The following RYR2 variants were observed in gnomAD, a reference collection of about 807,000 sequenced individuals.
The protein encoded by RYR2 is cardiac muscle ryanodine receptor-calcium release channel.
RYR2 carries 227 observed loss-of-function variants against 601.1 expected under a neutral mutation model. That is an observed-to-expected ratio of 0.38 (90% CI 0.34 to 0.42). RYR2 has a LOEUF of 0.42. Ranked by LOEUF, RYR2 falls within the 10% of genes least tolerant of loss-of-function variation. RYR2 has a pLI of 1.00. For missense variants in RYR2, 4,646 were observed against 6,156.5 expected (o/e 0.75, Z 8.21); for synonymous variants, 2,223 against 2,175.1 (o/e 1.02, Z -0.61).
chr1:237,410,425 C>A (rs948584732), intron 10 of RYR2, among the ~76,000 whole-genome samples: 1 of 152,094 alleles, frequency 6.6e-6, no homozygotes, highest in African/African-American at 2.4e-5. Context: ...TGGATTTTAT[C>A]CAGCTAGCTT....
chr1:237,100,263 T>C (rs952139595), intron 1 of RYR2, among the ~76,000 whole-genome samples: 1 of 152,226 alleles, frequency 6.6e-6, no homozygotes, highest in East Asian at 1.9e-4. Context: ...CATTATTTAC[T>C]AAGTCCCTCC....
intron 1 of RYR2, among the ~76,000 whole-genome samples, chr1:237,238,250 C>T (rs1572316090): frequency 1.3e-5 from 2 of 152,060 alleles, no homozygotes; most frequent in South Asian, 4.1e-4. Flanking sequence ...GGATTACAGG[C>T]GTGAGCCACT....
intron 1 of RYR2, among the ~76,000 whole-genome samples, chr1:237,191,124 G>C (rs4659774): frequency 1.3e-5 from 2 of 151,906 alleles, no homozygotes; most frequent in African/African-American, 4.8e-5. Context: ...TCATTATTTT[G>C]TTTGTGGATA....
At chr1:237,374,379 C>T (rs1334196073) in intron 6 of RYR2, among the ~76,000 whole-genome samples, 1 of 151,836 alleles carries the variant, frequency 6.6e-6, no homozygotes, top group Admixed American at 6.6e-5. Flanking sequence ...AAAAATTAAC[C>T]AGGTGTAGTG....
intron 55 of RYR2, 51 bp downstream of exon 55, chr1:237,660,125 A>G: frequency 9.1e-7 from 1 of 1,098,374 alleles, no homozygotes; most frequent in Non-Finnish European, 1.2e-6. Flanking sequence ...TCTTTTGAAA[A>G]ATGTGTTTTT....
rs1360518356 is a variant in RYR2, at chr1:237,272,371, C to G, written c.168+1755C>G. Among the ~76,000 whole-genome samples, 5 of 151,720 alleles carry G rather than the reference C, an allele frequency of 3.3e-5. No individual in the cohort carries two copies. In the South Asian group the frequency reaches 8.3e-4, roughly 25 times the overall value. ...CAGAACCCATAGATTTCATAAGAGGCCATGTTTCAAGTAGTGGGGAGAACC... is the reference window on the plus strand; with the variant it reads ...CAGAACCCATAGATTTCATAAGAGGGCATGTTTCAAGTAGTGGGGAGAACC... On this transcript the variant is annotated intron_variant, in intron 2 of 104. Transcript: ENST00000366574.
chr1:237,491,781 TCCTC>T, intron 17 of RYR2, 21 bp from the exon 18 acceptor site: 1 of 1,102,640 alleles, frequency 9.1e-7, no homozygotes, highest in Admixed American at 2.1e-5. Context: ...GTGTTTTTTT[TCCTC>T]TTTCTTTGTT....
intron 17 of RYR2, among the ~76,000 whole-genome samples, chr1:237,471,623 A>G (rs1377728972): frequency 6.6e-6 from 1 of 151,814 alleles, no homozygotes; most frequent in Non-Finnish European, 1.5e-5. Context: ...GAAATGCTTA[A>G]CTGGAAAACA....
intron 2 of RYR2, among the ~76,000 whole-genome samples, chr1:237,272,733 G>C (rs981215587): frequency 6.6e-6 from 1 of 151,080 alleles, no homozygotes; most frequent in Non-Finnish European, 1.5e-5. Context: ...TGAACTAAAA[G>C]AAATTAAAAA....
chr1:237,462,511 G>C (rs890899767), intron 16 of RYR2, among the ~76,000 whole-genome samples: 1 of 152,158 alleles, frequency 6.6e-6, no homozygotes, highest in African/African-American at 2.4e-5. Context: ...TTACAAGACA[G>C]AATGATTTTC....
At chr1:237,582,531 A>G (rs758679961) in intron 29 of RYR2, among the ~76,000 whole-genome samples, 5 of 152,074 alleles carry the variant, frequency 3.3e-5, no homozygotes, top group Non-Finnish European at 7.4e-5. Context: ...TGATACTTTC[A>G]CCCAAATACT....
At chr1:237,068,111 G>T (rs114831995) in intron 1 of RYR2, among the ~76,000 whole-genome samples, 2,771 of 139,560 alleles carry the variant, frequency 0.02, 62 homozygotes, top group Non-Finnish European at 0.025. Flanking sequence ...TCTCAGAATA[G>T]ATAGCACTAG....
At chr1:237,597,426 C>T (rs924215376) in intron 34 of RYR2, among the ~76,000 whole-genome samples, 3 of 151,648 alleles carry the variant, frequency 2.0e-5, no homozygotes, top group Admixed American at 2.0e-4. Flanking sequence ...GGATTATAGG[C>T]ATGCACCACC....
intron 1 of RYR2, among the ~76,000 whole-genome samples, chr1:237,204,503 C>CAAAAAAAAAAAAAAAAAA (rs67002856): frequency 1.9e-5 from 2 of 106,584 alleles, no homozygotes; most frequent in Non-Finnish European, 2.2e-5. Flanking sequence ...AAAACAAAAA[C>CAAAAAAAAAAAAAAAAAA]AAAAAAAAAA....
intron 87 of RYR2, 22 bp downstream of exon 87, chr1:237,773,670 C>T: frequency 1.2e-6 from 2 of 1,604,560 alleles, no homozygotes; most frequent in Non-Finnish European, 1.7e-6. Context: ...AACATGGCTG[C>T]TATCTGTAGC....
chr1:237,184,804 A>G (rs1679169295), intron 1 of RYR2, among the ~76,000 whole-genome samples: 1 of 151,648 alleles, frequency 6.6e-6, no homozygotes, highest in African/African-American at 2.4e-5. Flanking sequence ...AGAACTTACT[A>G]TGGTCTTGCT....
intron 2 of RYR2, among the ~76,000 whole-genome samples, chr1:237,283,958 C>T (rs1473947143): frequency 1.3e-5 from 2 of 152,200 alleles, no homozygotes; most frequent in African/African-American, 2.4e-5. Context: ...ATCCTCCTTC[C>T]ACTCTTCCCC....
In RYR2 at chr1:237,495,386, A is replaced by T. The variant is rs373389143; in HGVS notation, c.1962-1125A>T. 3.9e-5 allele frequency among the ~76,000 whole-genome samples: 6 copies of T among 152,186 alleles called. No homozygotes were observed. In the East Asian group the frequency reaches 7.7e-4, roughly 20 times the overall value. On this transcript the variant is annotated intron_variant, in intron 19 of 104. Transcript: ENST00000366574. ...AAAAATGGAAATTGTTAGGAAATGGATACAGCTGGTTTTTTTCTTTCGCTC... is the reference window on the plus strand; with the variant it reads ...AAAAATGGAAATTGTTAGGAAATGGTTACAGCTGGTTTTTTTCTTTCGCTC...
intron 17 of RYR2, among the ~76,000 whole-genome samples, chr1:237,479,709 T>C (rs1008757689): frequency 2.0e-5 from 3 of 152,054 alleles, no homozygotes; most frequent in Non-Finnish European, 4.4e-5. Context: ...AGACCCAGAG[T>C]CTTAGACTTT....
Sources: allele counts gnomAD v4.1 joint callset (sites outside exome capture counted in the v4.1 genomes callset), GRCh38; gene constraint gnomAD v4.1.1; transcripts MANE v1.5; gene names NCBI Gene and HGNC (gene_info 2026-07-23, HGNC 2026-07-21).